The following RANBP2 variants were observed in gnomAD, a reference collection of about 807,000 sequenced individuals.
The protein encoded by RANBP2 is RAN binding protein 2.
In RANBP2, 57 loss-of-function variants were observed where a neutral mutation model predicts 303.6. The ratio of observed to expected loss-of-function variants is 0.19; its 90% CI spans 0.15 to 0.23. The LOEUF (loss-of-function observed/expected upper bound fraction) is 0.23, where lower values mean the gene tolerates loss of function less well. RANBP2 is among the 10% of genes least tolerant of loss of function. The pLI, the probability that RANBP2 is intolerant of heterozygous loss-of-function variation, is 1.00. For synonymous variants in RANBP2, 1,167 were observed against 1,301.5 expected, an observed-to-expected ratio of 0.90 and a Z score of 2.23; for missense variants, 3,138 against 3,780.8, an observed-to-expected ratio of 0.83 and a Z score of 4.46.
the RANBP2 span, among the ~76,000 whole-genome samples, chr2:109,167,770 G>A: frequency 3.3e-5 from 5 of 152,058 alleles, no homozygotes; most frequent in Non-Finnish European, 5.9e-5. Context: ...GTGGGATTGC[G>A]CCATGTTAGC....
chr2:109,152,261 C>T, the RANBP2 span, among the ~76,000 whole-genome samples: 5 of 152,326 alleles, frequency 3.3e-5, no homozygotes, highest in South Asian at 4.1e-4. Context: ...CCTATAATCA[C>T]GGGAGGTGGG....
chr2:109,330,378 C>T, the RANBP2 span, among the ~76,000 whole-genome samples: 1 of 152,072 alleles, frequency 6.6e-6, no homozygotes, highest in Non-Finnish European at 1.5e-5. Context: ...CTTGTCTTGG[C>T]ATATCTCAGA....
intron 8 of RANBP2, among the ~76,000 whole-genome samples, chr2:108,747,709 A>G (rs1419187699): frequency 6.6e-6 from 1 of 152,168 alleles, no homozygotes; most frequent in Non-Finnish European, 1.5e-5. Flanking sequence ...GTGCCTCTGT[A>G]AGTGTGCTGA....
At chr2:109,641,036 C>A in the RANBP2 span, among the ~76,000 whole-genome samples, 10 of 152,138 alleles carry the variant, frequency 6.6e-5, no homozygotes, top group African/African-American at 9.7e-5. Context: ...TACATAACTA[C>A]AAATAATGGC....
the RANBP2 span, among the ~76,000 whole-genome samples, chr2:108,853,148 A>G: frequency 2.6e-5 from 4 of 152,220 alleles, no homozygotes; most frequent in African/African-American, 4.8e-5. Flanking sequence ...TAGACCCACA[A>G]TCGGAATAGT....
the RANBP2 span, among the ~76,000 whole-genome samples, chr2:109,766,458 G>C: frequency 1.3e-5 from 2 of 150,578 alleles, no homozygotes; most frequent in African/African-American, 4.9e-5. Context: ...AGGAACCCAG[G>C]GAGTGTGCAC....
rs1178076578 is a variant in RANBP2, at chr2:108,765,965, C to G, written c.5426C>G (p.Pro1809Arg). Reference sequence around the variant, plus strand: ...TGTGTGGCTTGTGATGCCTCTAAACCAACTCATAAACCTATTGCAGAAGCT... The same window carrying G: ...TGTGTGGCTTGTGATGCCTCTAAACGAACTCATAAACCTATTGCAGAAGCT... ...LKCVACDASK[P>R]THKPIAEAPS... is the part of the protein sequence containing the mutation. The change falls in exon 20 of 29, where the codon CCA (proline) becomes CGA (arginine). Residue 1809 changes from proline to arginine, a missense_variant. Pro to Arg is a moderately radical substitution (Grantham distance 103, BLOSUM62 -2). This residue lies in a region of RANBP2 where 348 missense variants were observed against 360.4 expected (regional missense o/e 0.97). Transcript: ENST00000283195. 6.2e-7 allele frequency: 1 copy of G among 1,614,106 alleles called. No homozygotes were observed.
chr2:109,525,839 C>G, the RANBP2 span, among the ~76,000 whole-genome samples: 3 of 152,192 alleles, frequency 2.0e-5, no homozygotes, highest in Non-Finnish European at 4.4e-5. Flanking sequence ...GAGTTTCCTC[C>G]TCTGTTCAGG....
chr2:109,438,949 C>T, the RANBP2 span, among the ~76,000 whole-genome samples: 1 of 152,316 alleles, frequency 6.6e-6, no homozygotes, highest in East Asian at 1.9e-4. Context: ...TGCACCAGCA[C>T]TAGAAAGGGT....
the RANBP2 span, among the ~76,000 whole-genome samples, chr2:109,031,877 T>A: frequency 6.6e-6 from 1 of 152,034 alleles, no homozygotes; most frequent in Non-Finnish European, 1.5e-5. Flanking sequence ...TCTTGTCCCG[T>A]GAGCGCTACC....
At chr2:109,044,692 A>T in the RANBP2 span, among the ~76,000 whole-genome samples, 1 of 152,220 alleles carries the variant, frequency 6.6e-6, no homozygotes, top group South Asian at 2.1e-4. Flanking sequence ...GTCTTTATTC[A>T]TCCCCACTCC....
chr2:109,249,537 TTCCTTCCTTCCTTCC>T, the RANBP2 span, among the ~76,000 whole-genome samples: 20 of 97,038 alleles, frequency 2.1e-4, no homozygotes, highest in Admixed American at 4.0e-4. Flanking sequence ...CTTTCTTTCC[TTCCTTCCTTCCTTCC>T]TTCCTTCCTT....
the RANBP2 span, among the ~76,000 whole-genome samples, chr2:109,202,639 A>G: frequency 2.0e-5 from 3 of 152,194 alleles, no homozygotes; most frequent in Admixed American, 2.0e-4. Flanking sequence ...GGCCCCAGGA[A>G]CCTGGGTCCT....
At chr2:109,629,728 T>C in the RANBP2 span, among the ~76,000 whole-genome samples, 1 of 151,962 alleles carries the variant, frequency 6.6e-6, no homozygotes, top group African/African-American at 2.4e-5. Flanking sequence ...GAAGAATCGC[T>C]TGAACTCAGG....
chr2:108,725,708 C>T (rs376199832), intron 1 of RANBP2, among the ~76,000 whole-genome samples: 4 of 151,182 alleles, frequency 2.6e-5, no homozygotes, highest in Admixed American at 6.6e-5. Flanking sequence ...TGCAGCCTGG[C>T]GACAGAGCAA....
At chr2:108,968,638 G>T in the RANBP2 span, among the ~76,000 whole-genome samples, 1 of 152,220 alleles carries the variant, frequency 6.6e-6, no homozygotes, top group South Asian at 2.1e-4. Context: ...CTAGCTACCA[G>T]GGAAGAAGTG....
chr2:109,264,748 C>A, the RANBP2 span, among the ~76,000 whole-genome samples: 1 of 152,212 alleles, frequency 6.6e-6, no homozygotes, highest in African/African-American at 2.4e-5. Flanking sequence ...TTCCCAGGCC[C>A]ACTGGGCGGG....
chr2:109,430,989 G>T, the RANBP2 span, among the ~76,000 whole-genome samples: 1 of 152,214 alleles, frequency 6.6e-6, no homozygotes, highest in Non-Finnish European at 1.5e-5. Context: ...GGATTAGGAT[G>T]TTCGAAAAGG....
chr2:108,782,809 T>C lies in RANBP2; in HGVS notation c.9316T>C (p.Phe3106Leu), dbSNP rs202168477. The C allele has an allele frequency of 6.2e-7, 1 of 1,614,162 alleles. No individual in the cohort carries two copies. Among genetic ancestry groups the C allele is most frequent in the East Asian group, 2.2e-5 (1 of 44,880 alleles). Reference sequence around the variant, plus strand: ...AGCACTATGCACTGGAGAGAAAGGCTTTGGTTTCAAGAATTCCATTTTTCA... The same window carrying C: ...AGCACTATGCACTGGAGAGAAAGGCCTTGGTTTCAAGAATTCCATTTTTCA... Reference protein sequence around the residue: ...FRALCTGEKGFGFKNSIFHRV... With the variant: ...FRALCTGEKGLGFKNSIFHRV... Residue 3106 changes from phenylalanine (F) to leucine (L), a missense_variant, in exon 28 of 29, where the codon TTT becomes CTT. By Grantham distance (22) the Phe-to-Leu change is conservative. This residue lies in a region of RANBP2 where 204 missense variants were observed against 228.4 expected (regional missense o/e 0.89). Transcript: ENST00000283195.
Sources: gnomAD v4.1 joint callset for allele counts (sites outside exome capture counted in the v4.1 genomes callset) on GRCh38, gnomAD v4.1.1 for gene constraint, gnomAD v4.1.1 regional missense constraint, MANE v1.5 for transcripts, NCBI Gene and HGNC (gene_info 2026-07-23, HGNC 2026-07-21) for gene names.